Variants in STK32B observed in about 807,000 individuals in gnomAD.
STK32B encodes serine/threonine-protein kinase 32B.
STK32B carries 43 observed loss-of-function variants against 52.6 expected under a neutral mutation model. That is an observed-to-expected ratio of 0.82 (90% CI 0.64 to 1.05). The LOEUF (loss-of-function observed/expected upper bound fraction) is 1.05, where lower values mean the gene tolerates loss of function less well. Ranked by LOEUF, STK32B falls within the 50% of genes least tolerant of loss-of-function variation. STK32B has a pLI of 0.00. For missense variants in STK32B, 621 were observed against 534.6 expected (o/e 1.16, Z -1.59); for synonymous variants, 238 against 204.3 (o/e 1.17, Z -1.41).
intron 2 of STK32B, among the ~76,000 whole-genome samples, chr4:5,145,087 G>A (rs1263413184): frequency 1.3e-5 from 2 of 152,120 alleles, no homozygotes; most frequent in African/African-American, 4.8e-5. Context: ...CAAGGGCAGG[G>A]TTGACTGCAT....
chr4:5,344,182 A>G (rs1733295201), intron 4 of STK32B, among the ~76,000 whole-genome samples: 8 of 152,182 alleles, frequency 5.3e-5, no homozygotes. Context: ...TCACATAAAT[A>G]TGAAGCTATA....
chr4:5,473,968 G>T (rs1313637245), intron 11 of STK32B, among the ~76,000 whole-genome samples: 1 of 152,070 alleles, frequency 6.6e-6, no homozygotes, highest in Non-Finnish European at 1.5e-5. Flanking sequence ...ACAAAAATTA[G>T]TCTGGTGTGG....
intron 11 of STK32B, among the ~76,000 whole-genome samples, chr4:5,483,332 AG>A (rs780616082): frequency 7.9e-5 from 12 of 151,940 alleles, no homozygotes; most frequent in Non-Finnish European, 1.2e-4. Context: ...GTATGTGTCC[AG>A]GAATTTATCC....
At chr4:5,357,432 A>G (rs757905202) in intron 4 of STK32B, among the ~76,000 whole-genome samples, 9 of 152,178 alleles carry the variant, frequency 5.9e-5, no homozygotes, top group Non-Finnish European at 1.3e-4. Flanking sequence ...GGGAGGTGCC[A>G]GGTCAGAGTA....
rs114316624 is a variant in STK32B, at chr4:5,430,434, G to A, written c.562+13500G>A. On this transcript the variant is annotated intron_variant, in intron 6 of 11. Coordinates refer to ENST00000282908, the MANE Select transcript of STK32B (RefSeq NM_018401.3). ...ATTTCCATCTGCTTTTATAGTTTCTGTCTTTCTATTGAAATCCCCGTCTGT... is the reference window on the plus strand; with the variant it reads ...ATTTCCATCTGCTTTTATAGTTTCTATCTTTCTATTGAAATCCCCGTCTGT... 4.0e-3 allele frequency among the ~76,000 whole-genome samples: 610 copies of A among 152,206 alleles called. 1 individual carries two copies. The highest frequency in any genetic ancestry group is 0.014 in the African/African-American group (573 of 41,538).
intron 1 of STK32B, among the ~76,000 whole-genome samples, chr4:5,107,442 A>C (rs1018042572): frequency 6.6e-6 from 1 of 152,166 alleles, no homozygotes; most frequent in African/African-American, 2.4e-5. Flanking sequence ...CTTCCACAAA[A>C]CTGGTCTCTG....
chr4:5,442,426 C>A (rs1229306668), intron 6 of STK32B, among the ~76,000 whole-genome samples: 1 of 151,724 alleles, frequency 6.6e-6, no homozygotes. Context: ...AGGATTGCAA[C>A]CCCTGCCTTT....
chr4:5,137,181 A>G (rs914134429), intron 1 of STK32B, among the ~76,000 whole-genome samples: 2 of 152,206 alleles, frequency 1.3e-5, no homozygotes, highest in African/African-American at 4.8e-5. Context: ...CAAGGAATGT[A>G]ACTCAGGAAG....
intron 3 of STK32B, among the ~76,000 whole-genome samples, chr4:5,217,167 T>C (rs1723229472): frequency 6.6e-6 from 1 of 152,190 alleles, no homozygotes; most frequent in African/African-American, 2.4e-5. Flanking sequence ...GGGCCCCTTA[T>C]ACAATACATA....
chr4:5,312,547 T>C (rs1730371487), intron 3 of STK32B, among the ~76,000 whole-genome samples: 1 of 152,084 alleles, frequency 6.6e-6, no homozygotes, highest in Non-Finnish European at 1.5e-5. Flanking sequence ...TTTGGTTTTT[T>C]GTTCTTCCGA....
intron 3 of STK32B, among the ~76,000 whole-genome samples, chr4:5,283,152 T>A (rs1728318069): frequency 6.6e-6 from 1 of 152,092 alleles, no homozygotes; most frequent in Non-Finnish European, 1.5e-5. Flanking sequence ...ATTCCACATA[T>A]AAGTGAGATC....
rs182216979 is a variant in STK32B at position 5,411,151 on chromosome 4, C to T, written c.473-5694C>T. Among the ~76,000 whole-genome samples the T allele has an allele frequency of 2.1e-3, 327 of 152,116 alleles. 2 individuals are homozygous for T. Among genetic ancestry groups the T allele is most frequent in the Admixed American group, 0.011 (163 of 15,284 alleles). The stretch of plus-strand genomic sequence containing the variant: ...CCTGGGTTCATGCCATTCTTCTGCC[C>T]CAGCTTCCCAAGTAACTGGGACTAC... On this transcript the variant is annotated intron_variant, in intron 5 of 11. Coordinates refer to ENST00000282908, the MANE Select transcript of STK32B (RefSeq NM_018401.3).
chr4:5,444,473 G>A lies in STK32B; in HGVS notation c.563-2200G>A, dbSNP rs182136354. Among the ~76,000 whole-genome samples the A allele has an allele frequency of 4.8e-3, 730 of 152,226 alleles. 20 individuals are homozygous for A. The East Asian group carries it at 0.069, about 14-fold the overall frequency. On this transcript the variant is annotated intron_variant, in intron 6 of 11. Transcript: ENST00000282908. The stretch of plus-strand genomic sequence containing the variant: ...CCCTGCTTTGGCTCGCGCACTGTGC[G>A]CACACCCACTGACCTGCGCCCACTG...
At chr4:5,232,936 G>C (rs1314897543) in intron 3 of STK32B, among the ~76,000 whole-genome samples, 1 of 152,142 alleles carries the variant, frequency 6.6e-6, no homozygotes, top group Non-Finnish European at 1.5e-5. Flanking sequence ...TGCATCTGAA[G>C]ATCACAGCAG....
Position 5,460,052 on chromosome 4 carries a change from A to T in STK32B, c.784-51A>T. ...GACCCCCTCCTTCAGAGTCCCCGCT[A>T]ACCTTGAGGGATGCCCAATTCATGG... On this transcript the variant is annotated intron_variant, in intron 8 of 11. Transcript: ENST00000282908. This position sits in a 1 kb window ranked among gnomAD's most constrained non-coding sequence, Gnocchi z 4.8. The T allele has an allele frequency of 6.2e-7, 1 of 1,614,048 alleles. No homozygotes were observed. The highest frequency in any genetic ancestry group is 8.5e-7 in the Non-Finnish European group (1 of 1,179,986).
At chr4:5,389,710 T>C (rs1343035270) in intron 4 of STK32B, among the ~76,000 whole-genome samples, 1 of 151,902 alleles carries the variant, frequency 6.6e-6, no homozygotes, top group Non-Finnish European at 1.5e-5. Context: ...GGAAGGGCTG[T>C]GCAATAGACT....
At chr4:5,333,921 C>A (rs1472382980) in intron 4 of STK32B, among the ~76,000 whole-genome samples, 3 of 152,178 alleles carry the variant, frequency 2.0e-5, no homozygotes, top group East Asian at 3.8e-4. Context: ...ATGCCTCCAG[C>A]TTTGTTCTTT....
In STK32B at chr4:5,138,178, G is replaced by GT. The variant is rs1214235671; in HGVS notation, c.53-1723dup. Among the ~76,000 whole-genome samples, 4 of 152,276 alleles carry GT rather than the reference G, an allele frequency of 2.6e-5. No homozygotes were observed. In the East Asian group the frequency reaches 7.7e-4, roughly 29 times the overall value. ...AATAAATCTAAATCAAAGAACCAAGGTTTTAGTAAGTTAACCATTAACTCC... is the reference window on the plus strand; with the variant it reads ...AATAAATCTAAATCAAAGAACCAAGGTTTTTAGTAAGTTAACCATTAACTCC... On this transcript the variant is annotated intron_variant, in intron 1 of 11. Transcript: ENST00000282908.
chr4:5,342,375 A>T (rs2108971937), intron 4 of STK32B, among the ~76,000 whole-genome samples: 1 of 152,338 alleles, frequency 6.6e-6, no homozygotes, highest in South Asian at 2.1e-4. Context: ...CAGCCATAAA[A>T]AAGGATGAGT....
Sources: allele counts gnomAD v4.1 joint callset (sites outside exome capture counted in the v4.1 genomes callset), GRCh38; gene constraint gnomAD v4.1.1; non-coding constraint Gnocchi (gnomAD v3.1); transcripts MANE v1.5; gene names NCBI Gene and HGNC (gene_info 2026-07-23, HGNC 2026-07-21).